MYH7B: variants seen among roughly 807,000 people sequenced by gnomAD.
MYH7B encodes myosin heavy chain 7B.
In MYH7B, 205 loss-of-function variants were observed where a neutral mutation model predicts 234.5. That is an observed-to-expected ratio of 0.87 (90% CI 0.78 to 0.98). The LOEUF (loss-of-function observed/expected upper bound fraction) is 0.98, where lower values mean the gene tolerates loss of function less well. Among genes scored for constraint, MYH7B ranks in the 50% least tolerant of loss-of-function variants. The pLI is 0.00. For synonymous variants in MYH7B, 1,193 were observed against 1,105.0 expected (o/e 1.08, Z -1.58); for missense variants, 2,652 against 2,633.4 (o/e 1.01, Z -0.15).
chr20:34,975,864 C>T (rs868428286), intron 3 of MYH7B, among the ~76,000 whole-genome samples: 6 of 152,118 alleles, frequency 3.9e-5, no homozygotes, highest in Admixed American at 1.3e-4. Context: ...TACAGGCGCC[C>T]GCCACCACCT....
chr20:34,989,896 G>A lies in MYH7B; in HGVS notation c.1744G>A (p.Glu582Lys), dbSNP rs267605897. Residue 582 changes from glutamate (E) to lysine (K), a missense_variant, in exon 20 of 45, where the codon GAG becomes AAG. By Grantham distance (56) the Glu-to-Lys change is moderately conservative. Around this residue, in one of 3 missense-constraint regions of MYH7B, gnomAD observed 2,279 missense variants for 2,211.4 expected, o/e 1.03. Transcript: ENST00000262873. ...GAAGCGCAAGTACCAGGCCCACTTCGAGGTGGTCCACTACGCAGGCGTGGT... is the reference window on the plus strand; with the variant it reads ...GAAGCGCAAGTACCAGGCCCACTTCAAGGTGGTCCACTACGCAGGCGTGGT... 38 of 1,614,118 alleles carry A rather than the reference G, an allele frequency of 2.4e-5. 1 individual carries two copies. In the Middle Eastern group the frequency reaches 3.6e-3, roughly 154 times the overall value.
chr20:34,997,668 C>T (rs1308841494), intron 32 of MYH7B, 28 bp downstream of exon 32: 2 of 1,610,948 alleles, frequency 1.2e-6, no homozygotes, highest in Admixed American at 3.3e-5. Flanking sequence ...ACCCCATACC[C>T]ACCCTGACTT....
intron 9 of MYH7B, 81 bp downstream of exon 9, chr20:34,981,141 G>T (rs1285496839): frequency 3.2e-6 from 5 of 1,571,096 alleles, no homozygotes; most frequent in African/African-American, 2.7e-5. Flanking sequence ...CATTTCCCAG[G>T]ATTGAATCCA....
chr20:34,991,713 C>T (rs1458790730), intron 24 of MYH7B, among the ~76,000 whole-genome samples: 2 of 152,162 alleles, frequency 1.3e-5, no homozygotes, highest in South Asian at 2.1e-4. Context: ...AGCTCCTCCC[C>T]GTTCCCTCAA....
exon 13 of MYH7B, chr20:34,985,084 C>A (rs1235025236): frequency 1.2e-6 from 2 of 1,614,128 alleles, no homozygotes; most frequent in Non-Finnish European, 1.7e-6. Flanking sequence ...CATCCGCATT[C>A]ACTTTGGTCC....
chr20:35,000,282 T>C lies in MYH7B; in HGVS notation c.4782-11T>C. On this transcript the variant is annotated splice_polypyrimidine_tract_variant and intron_variant, in intron 38 of 44. Transcript: ENST00000262873. ...TACGAGACCCCCTTTCATGCCACCC[T>C]CCTCCCATAGGCGCAACCACCAGCG... 6.4e-7 allele frequency: 1 copy of C among 1,557,142 alleles called. No homozygotes were observed. The highest frequency in any genetic ancestry group is 1.4e-5 in the African/African-American group (1 of 73,916).
At position 34,984,718 on chromosome 20, in the gene MYH7B, G is replaced by C; in HGVS notation, c.648+3G>C. ...AATTTCTGGCAACAAAGACGGGGGTGAGTATGGGGCCAATGTCAATGGGGC... is the reference window on the plus strand; with the variant it reads ...AATTTCTGGCAACAAAGACGGGGGTCAGTATGGGGCCAATGTCAATGGGGC... On this transcript the variant is annotated splice_donor_region_variant and intron_variant, in intron 11 of 44. Coordinates refer to ENST00000262873, the Ensembl canonical transcript of MYH7B. 6.2e-7 allele frequency: 1 copy of C among 1,605,990 alleles called. No homozygotes were observed. Among genetic ancestry groups the C allele is most frequent in the South Asian group, 1.1e-5 (1 of 90,110 alleles).
At chr20:34,978,564 G>A (rs1226007119) in intron 5 of MYH7B, among the ~76,000 whole-genome samples, 5 of 152,182 alleles carry the variant, frequency 3.3e-5, no homozygotes, top group Non-Finnish European at 1.5e-5. Context: ...ACAATAGGCA[G>A]TGTGTACCGA....
At position 34,967,760 on chromosome 20, in the gene MYH7B, C is replaced by T. The variant is rs1352479522; in HGVS notation, c.-221-7640C>T. On this transcript the variant is annotated intron_variant, in intron 2 of 44. Coordinates refer to ENST00000262873, the Ensembl canonical transcript of MYH7B. ...GATGCCAATTCCAACCTGGAGGGCA[C>T]GGGAGAGTGTTTGTTTGAAGCACTG... Among the ~76,000 whole-genome samples, 7 of 152,150 alleles carry T rather than the reference C, an allele frequency of 4.6e-5. 1 individual carries two copies. Among genetic ancestry groups the T allele is most frequent in the Admixed American group, 4.6e-4 (7 of 15,270 alleles).
chr20:34,980,707 G>A, exon 8 of MYH7B: 5 of 1,614,176 alleles, frequency 3.1e-6, no homozygotes, highest in Non-Finnish European at 4.2e-6. Context: ...TGCGGTGGCG[G>A]ACAACGCCTA....
At chr20:34,963,319 T>G (rs1321578744) in intron 2 of MYH7B, among the ~76,000 whole-genome samples, 1 of 152,254 alleles carries the variant, frequency 6.6e-6, no homozygotes. Flanking sequence ...TGGTTTTGAT[T>G]TGCATTTTCC....
chr20:34,994,034 G>A, intron 26 of MYH7B, 112 bp from the exon 27 acceptor site: 1 of 1,379,758 alleles, frequency 7.2e-7, no homozygotes, highest in Middle Eastern at 1.9e-4. Context: ...AGAGCTATTA[G>A]GAGCTACTCC....
At chr20:34,984,929 G>A in exon 12 of MYH7B, 1 of 1,613,904 alleles carries the variant, frequency 6.2e-7, no homozygotes, top group Non-Finnish European at 8.5e-7. Context: ...CCTGAGGAAT[G>A]ATAACTCCTC....
At chr20:34,962,819 C>T (rs901417850) in intron 2 of MYH7B, among the ~76,000 whole-genome samples, 10 of 152,150 alleles carry the variant, frequency 6.6e-5, no homozygotes, top group Admixed American at 3.9e-4. Context: ...TCATCTCGGC[C>T]GGGTGCAGTG....
rs772370991 is a variant in MYH7B, at chr20:34,986,904, T to C, written c.923T>C (p.Met308Thr). Residue 308 changes from methionine (M) to threonine (T), a missense_variant, in exon 15 of 45, where the codon ATG becomes ACG. Physicochemically the swap from Met to Thr is moderately conservative, Grantham distance 81. Around this residue, in one of 3 missense-constraint regions of MYH7B, gnomAD observed 2,279 missense variants for 2,211.4 expected, o/e 1.03. Transcript: ENST00000262873. ...TCCCCAGACATGCTGCTTCTGTCTA[T>C]GAACCCCTATGACTACCACTTCTGC... The C allele has an allele frequency of 3.7e-6, 6 of 1,614,102 alleles. No individual in the cohort carries two copies. In the East Asian group the frequency reaches 1.1e-4, roughly 30 times the overall value.
rs532082967 is a variant in MYH7B at position 34,993,106 on chromosome 20, C to T, written c.2188C>T (p.Arg730Cys). The T allele has an allele frequency of 1.4e-5, 22 of 1,612,820 alleles. No homozygotes were observed. Among genetic ancestry groups the T allele is most frequent in the African/African-American group, 4.0e-5 (3 of 74,994 alleles). ...AGCTCTGCCCTCCTTTCCCAGGTAC[C>T]GTATCCTGAACCCCAGTGCCATCCC... The change falls in exon 25 of 45, where the codon CGT becomes TGT. Residue 730 changes from arginine (R) to cysteine (C), a missense_variant. Coordinates refer to ENST00000262873, the Ensembl canonical transcript of MYH7B.
At chr20:35,002,012 A>G (rs759753746) in exon 44 of MYH7B, 10 of 1,614,064 alleles carry the variant, frequency 6.2e-6, no homozygotes, top group Non-Finnish European at 8.5e-6. Context: ...GATGATGCGG[A>G]GGAGCGGGCA....
intron 3 of MYH7B, among the ~76,000 whole-genome samples, chr20:34,976,503 G>A (rs993575017): frequency 2.0e-5 from 3 of 152,218 alleles, no homozygotes; most frequent in African/African-American, 7.2e-5. Context: ...GGAGAGCCTG[G>A]AGGTGCCCTG....
At chr20:34,984,312 C>T (rs1224096406) in intron 10 of MYH7B, among the ~76,000 whole-genome samples, 1 of 152,156 alleles carries the variant, frequency 6.6e-6, no homozygotes, top group Non-Finnish European at 1.5e-5. Context: ...TTGGAGCAGC[C>T]AGGAGGCCTT....
Sources: gnomAD v4.1 joint callset for allele counts (sites outside exome capture counted in the v4.1 genomes callset) on GRCh38, gnomAD v4.1.1 for gene constraint, gnomAD v4.1.1 regional missense constraint, MANE v1.5 for transcripts, NCBI Gene and HGNC (gene_info 2026-07-23, HGNC 2026-07-21) for gene names.